The following INSC variants were observed in gnomAD, a reference collection of about 807,000 sequenced individuals.
INSC encodes the protein protein inscuteable homolog.
Under a neutral mutation model 58.6 loss-of-function variants are expected in INSC, and 67 were observed. That is an observed-to-expected ratio of 1.14 (90% CI 0.94 to 1.40). The LOEUF (loss-of-function observed/expected upper bound fraction) is 1.40, where lower values mean the gene tolerates loss of function less well. INSC is among the 40% of genes most tolerant of loss of function. The pLI is 0.00. For missense variants in INSC, 714 were observed against 692.0 expected (o/e 1.03, Z -0.36); for synonymous variants, 262 against 276.1 (o/e 0.95, Z 0.51).
intron 1 of INSC, among the ~76,000 whole-genome samples, chr11:15,122,533 G>A (rs147434614): frequency 6.6e-6 from 1 of 152,278 alleles, no homozygotes; most frequent in African/African-American, 2.4e-5. Context: ...TCATCCTACT[G>A]AAACCTGGTC....
the INSC span, among the ~76,000 whole-genome samples, chr11:15,254,749 A>G: frequency 6.6e-6 from 1 of 152,222 alleles, no homozygotes; most frequent in Non-Finnish European, 1.5e-5. Flanking sequence ...CCTGCTTGAC[A>G]GTGCTTCAGA....
At chr11:15,255,041 T>C in the INSC span, among the ~76,000 whole-genome samples, 1 of 152,216 alleles carries the variant, frequency 6.6e-6, no homozygotes, top group Non-Finnish European at 1.5e-5. Context: ...GATTCCTTTT[T>C]ACAAATAAGG....
At chr11:15,202,080 C>T (rs1850615134) in intron 7 of INSC, among the ~76,000 whole-genome samples, 1 of 152,160 alleles carries the variant, frequency 6.6e-6, no homozygotes, top group African/African-American at 2.4e-5. Flanking sequence ...AGGGAATCTG[C>T]TCATTTTACA....
At chr11:15,241,663 G>C in intron 12 of INSC, 1 of 702,222 alleles carries the variant, frequency 1.4e-6, no homozygotes, top group Non-Finnish European at 2.6e-6. Context: ...TAATCTTTTT[G>C]TATCTTTGGT....
chr11:15,182,746 A>G (rs768806019), intron 5 of INSC, among the ~76,000 whole-genome samples: 5 of 152,240 alleles, frequency 3.3e-5, no homozygotes, highest in Non-Finnish European at 7.3e-5. Flanking sequence ...TCCCAGGAGA[A>G]ATGCAAGCAC....
chr11:15,177,212 C>T, intron 4 of INSC, 49 bp downstream of exon 4: 1 of 1,462,036 alleles, frequency 6.8e-7, no homozygotes, highest in Non-Finnish European at 9.6e-7. Flanking sequence ...CGACCTCTGG[C>T]AGGAGAAGGG....
At chr11:15,260,058 G>A in the INSC span, among the ~76,000 whole-genome samples, 2 of 152,128 alleles carry the variant, frequency 1.3e-5, no homozygotes, top group African/African-American at 4.8e-5. Context: ...TTATATCCAA[G>A]GTAGGCATGG....
chr11:15,220,340 G>A (rs1368308950), intron 7 of INSC, among the ~76,000 whole-genome samples: 1 of 152,138 alleles, frequency 6.6e-6, no homozygotes, highest in South Asian at 2.1e-4. Context: ...GTGCTTGGTG[G>A]CATGGTCCCC....
intron 7 of INSC, among the ~76,000 whole-genome samples, chr11:15,217,033 A>G (rs1264500550): frequency 6.6e-6 from 1 of 152,254 alleles, no homozygotes; most frequent in East Asian, 1.9e-4. Context: ...TTTTATAGAT[A>G]AAAGCTCAAA....
intron 1 of INSC, among the ~76,000 whole-genome samples, chr11:15,120,639 G>A (rs536810517): frequency 6.6e-6 from 1 of 152,308 alleles, no homozygotes; most frequent in East Asian, 1.9e-4. Context: ...GTAGTGTTGG[G>A]GATGAGATGG....
intron 1 of INSC, 81 bp downstream of exon 1, chr11:15,115,084 C>T (rs1342904370): frequency 2.2e-6 from 2 of 889,088 alleles, no homozygotes; most frequent in Non-Finnish European, 2.7e-6. Flanking sequence ...GCAGGTTTGT[C>T]ACTAATTGGA....
intron 1 of INSC, among the ~76,000 whole-genome samples, chr11:15,131,314 G>C (rs1198899105): frequency 6.6e-6 from 1 of 151,664 alleles, no homozygotes; most frequent in Non-Finnish European, 1.5e-5. Flanking sequence ...ATATACAACT[G>C]TATGGGGTAT....
chr11:15,179,872 G>C (rs1452033128), intron 5 of INSC, among the ~76,000 whole-genome samples: 1 of 152,242 alleles, frequency 6.6e-6, no homozygotes, highest in Non-Finnish European at 1.5e-5. Context: ...GGGAGACCTG[G>C]AGCAACTTCT....
downstream of INSC, among the ~76,000 whole-genome samples, chr11:15,252,153 A>G (rs1487316079): frequency 6.6e-6 from 1 of 152,216 alleles, no homozygotes; most frequent in African/African-American, 2.4e-5. Flanking sequence ...ATTGTTCCAA[A>G]TATACGAGAT....
At chr11:15,212,403 A>T (rs1275931585) in intron 7 of INSC, among the ~76,000 whole-genome samples, 1 of 152,198 alleles carries the variant, frequency 6.6e-6, no homozygotes, top group Non-Finnish European at 1.5e-5. Context: ...AAAGTGCTGG[A>T]ATTACAGGCG....
chr11:15,150,350 C>G (rs981556878), intron 2 of INSC, among the ~76,000 whole-genome samples: 1 of 152,206 alleles, frequency 6.6e-6, no homozygotes, highest in African/African-American at 2.4e-5. Flanking sequence ...TCCTCCTGTT[C>G]CAAGCTGCCA....
intron 7 of INSC, among the ~76,000 whole-genome samples, chr11:15,218,540 A>C (rs1851310380): frequency 6.6e-6 from 1 of 152,132 alleles, no homozygotes; most frequent in Admixed American, 6.5e-5. Flanking sequence ...ATTATTTGTT[A>C]AAACTTATTC....
intron 1 of INSC, among the ~76,000 whole-genome samples, chr11:15,117,000 TG>T (rs1379732732): frequency 6.8e-6 from 1 of 147,900 alleles, no homozygotes; most frequent in Non-Finnish European, 1.5e-5. Context: ...TGGAGTGCAG[TG>T]GCATGATCTC....
At chr11:15,149,931 C>T (rs568164231) in intron 2 of INSC, among the ~76,000 whole-genome samples, 26 of 152,138 alleles carry the variant, frequency 1.7e-4, no homozygotes, top group Non-Finnish European at 3.5e-4. Flanking sequence ...TATTAGGAGG[C>T]AAGGCATGAT....
Sources: allele counts gnomAD v4.1 joint callset (sites outside exome capture counted in the v4.1 genomes callset), GRCh38; gene constraint gnomAD v4.1.1; transcripts MANE v1.5; gene names NCBI Gene and HGNC (gene_info 2026-07-23, HGNC 2026-07-21).